PCDH15: variants seen among roughly 807,000 people sequenced by gnomAD.
PCDH15 encodes protocadherin related 15.
PCDH15 carries 129 observed loss-of-function variants against 178.5 expected under a neutral mutation model. That is an observed-to-expected ratio of 0.72 (90% CI 0.63 to 0.84). PCDH15 has a LOEUF of 0.84. PCDH15 is among the 40% of genes least tolerant of loss of function. The pLI is 0.00. For synonymous variants in PCDH15, 800 were observed against 732.0 expected, an observed-to-expected ratio of 1.09 and a Z score of -1.50; for missense variants, 2,230 against 2,099.9, an observed-to-expected ratio of 1.06 and a Z score of -1.21.
chr10:53,809,081 T>C (rs1415270169), intron 37 of PCDH15: 3 of 1,613,888 alleles, frequency 1.9e-6, no homozygotes, highest in Non-Finnish European at 2.5e-6. Context: ...ACAATGTTTT[T>C]CCTTGCTTTT....
intron 2 of PCDH15, among the ~76,000 whole-genome samples, chr10:54,982,685 T>C (rs995596182): frequency 6.6e-6 from 1 of 152,136 alleles, no homozygotes. Context: ...TTTTGGGCAT[T>C]AGTAAAATCT....
chr10:54,703,914 C>T (rs1447834608), intron 1 of PCDH15, among the ~76,000 whole-genome samples: 1 of 152,022 alleles, frequency 6.6e-6, no homozygotes, highest in Admixed American at 6.6e-5. Context: ...GACACATAGA[C>T]CAATGGGACA....
At chr10:54,876,620 G>A (rs1018877962) in intron 3 of PCDH15, among the ~76,000 whole-genome samples, 4 of 152,102 alleles carry the variant, frequency 2.6e-5, no homozygotes, top group African/African-American at 4.8e-5. Context: ...AGTTCAAAAC[G>A]TCAATGGAGG....
At chr10:53,824,277 T>C (rs1463062179) in intron 32 of PCDH15, among the ~76,000 whole-genome samples, 1 of 152,150 alleles carries the variant, frequency 6.6e-6, no homozygotes, top group Non-Finnish European at 1.5e-5. Context: ...AAGGAAAGCA[T>C]TTGGACCCTT....
chr10:55,333,569 A>G (rs193115617), intron 2 of PCDH15, among the ~76,000 whole-genome samples: 2 of 152,160 alleles, frequency 1.3e-5, no homozygotes, highest in East Asian at 3.9e-4. Flanking sequence ...ATTAACTGTT[A>G]ATTTTTTAAA....
intron 1 of PCDH15, among the ~76,000 whole-genome samples, chr10:55,260,915 G>C (rs1381599686): frequency 2.0e-5 from 3 of 152,070 alleles, no homozygotes; most frequent in Non-Finnish European, 2.9e-5. Context: ...ATTTGTACCT[G>C]ATCTGTGAAC....
intron 1 of PCDH15, among the ~76,000 whole-genome samples, chr10:55,229,185 AT>A (rs1336918120): frequency 6.6e-6 from 1 of 151,918 alleles, no homozygotes; most frequent in Admixed American, 6.6e-5. Context: ...CTTTTATAGT[AT>A]GGGATAAGCA....
intron 2 of PCDH15, among the ~76,000 whole-genome samples, chr10:55,542,269 T>C (rs893131982): frequency 4.6e-5 from 7 of 151,306 alleles, no homozygotes; most frequent in African/African-American, 1.7e-4. Context: ...GTACAGTATG[T>C]CTATATTATG....
At chr10:53,814,051 T>C (rs1564518512) in intron 35 of PCDH15, among the ~76,000 whole-genome samples, 1 of 152,158 alleles carries the variant, frequency 6.6e-6, no homozygotes, top group South Asian at 2.1e-4. Flanking sequence ...ACAAAAAGTC[T>C]AGATTTAAGT....
At chr10:54,555,490 G>A (rs903341017) in intron 2 of PCDH15, among the ~76,000 whole-genome samples, 2 of 152,070 alleles carry the variant, frequency 1.3e-5, no homozygotes, top group South Asian at 2.1e-4. Context: ...CCAACACTGT[G>A]GGAGGCCGAG....
At chr10:54,408,704 G>T (rs1270132446) in intron 3 of PCDH15, among the ~76,000 whole-genome samples, 2 of 152,086 alleles carry the variant, frequency 1.3e-5, no homozygotes, top group African/African-American at 2.4e-5. Context: ...GTATGATTGG[G>T]GTTACTCTGA....
At chr10:55,280,269 CTTTTTTTTTTTTTTT>C (rs1007536850) in intron 1 of PCDH15, among the ~76,000 whole-genome samples, 2 of 65,990 alleles carry the variant, frequency 3.0e-5, no homozygotes, top group Admixed American at 1.5e-4. Flanking sequence ...TATTTTGATT[CTTTTTTTTTTTTTTT>C]TTTTTTTTTT....
chr10:54,889,601 A>G (rs1035544853), intron 3 of PCDH15, among the ~76,000 whole-genome samples: 5 of 150,842 alleles, frequency 3.3e-5, no homozygotes, highest in African/African-American at 1.2e-4. Flanking sequence ...AAATCCACAC[A>G]TGAAAAAGTC....
intron 27 of PCDH15, among the ~76,000 whole-genome samples, chr10:53,863,344 G>A (rs543628708): frequency 3.3e-5 from 5 of 152,298 alleles, no homozygotes; most frequent in African/African-American, 1.2e-4. Context: ...TAAACAGTGA[G>A]ATAGTAGGAC....
intron 32 of PCDH15, chr10:53,823,136 C>A: frequency 3.1e-6 from 5 of 1,613,886 alleles, no homozygotes; most frequent in South Asian, 1.1e-5. Context: ...TTATGTTTTC[C>A]TTATAAAGGG....
At chr10:54,266,062 TTAAA>T (rs1471119025) in intron 8 of PCDH15, among the ~76,000 whole-genome samples, 1 of 151,684 alleles carries the variant, frequency 6.6e-6, no homozygotes. Flanking sequence ...AAAAAAAATA[TTAAA>T]TAATACCAAG....
At chr10:54,660,502 C>A (rs188562793) in intron 2 of PCDH15, among the ~76,000 whole-genome samples, 10 of 151,950 alleles carry the variant, frequency 6.6e-5, no homozygotes, top group African/African-American at 2.2e-4. Flanking sequence ...AAGCCAGGAC[C>A]AAACAGATTA....
At position 54,103,835 on chromosome 10, in the gene PCDH15, G is replaced by T. The variant is rs192123076; in HGVS notation, c.1918-13772C>A. ...CCAGATCAATAAATTCAGCCTGATT[G>T]AACTCTATGTTTCTTCCACCATTAT... On this transcript the variant is annotated intron_variant, in intron 15 of 37. Transcript: ENST00000644397. 2.3e-3 allele frequency among the ~76,000 whole-genome samples: 353 copies of T among 152,174 alleles called. 5 individuals carry two copies. The highest frequency in any genetic ancestry group is 0.015 in the South Asian group (74 of 4,812).
intron 1 of PCDH15, among the ~76,000 whole-genome samples, chr10:54,796,300 A>ATCTG (rs1952002005): frequency 6.7e-6 from 1 of 148,762 alleles, no homozygotes; most frequent in East Asian, 2.0e-4. Context: ...CTATCTATCT[A>ATCTG]TCTATCTATC....
Sources: gnomAD v4.1 joint callset for allele counts (sites outside exome capture counted in the v4.1 genomes callset) on GRCh38, gnomAD v4.1.1 for gene constraint, MANE v1.5 for transcripts, NCBI Gene and HGNC (gene_info 2026-07-23, HGNC 2026-07-21) for gene names.